Variants in FRMPD4 observed in about 807,000 individuals in gnomAD.
FRMPD4 encodes the protein FERM and PDZ domain containing 4, also known as FERM and PDZ domain-containing protein 4.
FRMPD4 carries 22 observed loss-of-function variants against 94.1 expected under a neutral mutation model. The observed-to-expected ratio is 0.23, with a 90% CI of 0.17 to 0.33. The LOEUF is 0.33. Among genes scored for constraint, FRMPD4 ranks in the 10% least tolerant of loss-of-function variants. The pLI is 1.00. For missense variants in FRMPD4, 1,111 were observed against 1,339.9 expected, an observed-to-expected ratio of 0.83 and a Z score of 2.67; for synonymous variants, 631 against 548.6, an observed-to-expected ratio of 1.15 and a Z score of -2.10.
intron 1 of FRMPD4, among the ~76,000 whole-genome samples, chrX:12,221,006 C>G (rs771261562): frequency 9.8e-5 from 11 of 111,772 alleles, no homozygotes; most frequent in Admixed American, 2.8e-4. Context: ...CATTAATTCC[C>G]GTAGGTTCTG....
chrX:12,485,454 A>G (rs924676739), intron 1 of FRMPD4, among the ~76,000 whole-genome samples: 1 of 111,741 alleles, frequency 8.9e-6, no homozygotes, highest in Non-Finnish European at 1.9e-5. Flanking sequence ...AGAGGTTTCA[A>G]TCTGATTTGC....
chrX:12,421,552 G>C (rs1272513131), intron 1 of FRMPD4, among the ~76,000 whole-genome samples: 1 of 110,501 alleles, frequency 9.0e-6, no homozygotes, highest in Non-Finnish European at 1.9e-5. Context: ...GAGTCCAGGA[G>C]TTTGAGACCA....
chrX:12,494,327 C>T (rs1403172148), intron 1 of FRMPD4, among the ~76,000 whole-genome samples: 1 of 111,584 alleles, frequency 9.0e-6, no homozygotes, highest in Non-Finnish European at 1.9e-5. Context: ...GTTGTGACCA[C>T]CAAAAATCTC....
At chrX:11,906,197 G>T (rs2053967049) in intron 3 of FRMPD4, among the ~76,000 whole-genome samples, 1 of 107,152 alleles carries the variant, frequency 9.3e-6, no homozygotes, top group Non-Finnish European at 1.9e-5. Flanking sequence ...ACCCAGGCTG[G>T]AGTGCAGTGG....
chrX:12,542,437 A>C (rs1404802537), intron 2 of FRMPD4, among the ~76,000 whole-genome samples: 3 of 112,197 alleles, frequency 2.7e-5, no homozygotes, highest in African/African-American at 9.7e-5. Context: ...ATTCTTATAC[A>C]CCAATAACAA....
chrX:11,993,725 T>C (rs1418938463), intron 3 of FRMPD4, among the ~76,000 whole-genome samples: 2 of 112,390 alleles, frequency 1.8e-5, no homozygotes, highest in Non-Finnish European at 3.8e-5. Context: ...CTCTTTAAAG[T>C]TACTTTTCAA....
chrX:12,192,836 G>T, intron 1 of FRMPD4, among the ~76,000 whole-genome samples: 1 of 111,644 alleles, frequency 9.0e-6, no homozygotes, highest in East Asian at 2.8e-4. Flanking sequence ...TGATGCTGCT[G>T]ATCCAGGGAC....
chrX:12,083,507 C>A (rs1438781049), intron 3 of FRMPD4, among the ~76,000 whole-genome samples: 1 of 112,701 alleles, frequency 8.9e-6, no homozygotes, highest in East Asian at 2.8e-4. Flanking sequence ...GGGTCAGAGC[C>A]CCCAAACAGA....
chrX:12,495,431 C>G, intron 1 of FRMPD4, among the ~76,000 whole-genome samples: 1 of 111,752 alleles, frequency 8.9e-6, no homozygotes, highest in Non-Finnish European at 1.9e-5. Context: ...TGTTCAAGGT[C>G]GTGGAAAATA....
At chrX:11,963,009 A>C (rs1268695013) in intron 3 of FRMPD4, among the ~76,000 whole-genome samples, 1 of 111,951 alleles carries the variant, frequency 8.9e-6, no homozygotes, top group Non-Finnish European at 1.9e-5. Flanking sequence ...ACCACTACTA[A>C]TAATAAGAAT....
chrX:11,847,153 A>G (rs1247232758), intron 1 of FRMPD4, among the ~76,000 whole-genome samples: 1 of 111,769 alleles, frequency 8.9e-6, no homozygotes, highest in East Asian at 2.8e-4. Flanking sequence ...GCTAATATCC[A>G]GAATGTACAA....
At chrX:12,662,180 TA>T (rs1173725580) in intron 4 of FRMPD4, among the ~76,000 whole-genome samples, 186 of 111,180 alleles carry the variant, frequency 1.7e-3, no homozygotes, top group African/African-American at 5.8e-3. Context: ...AGAAAACAAT[TA>T]TTTTTTTTTT....
chrX:11,828,133 A>G (rs895088682), intron 1 of FRMPD4, among the ~76,000 whole-genome samples: 2 of 112,395 alleles, frequency 1.8e-5, no homozygotes, highest in Non-Finnish European at 3.8e-5. Context: ...TGTGATTATT[A>G]TAACCTAAAA....
intron 3 of FRMPD4, among the ~76,000 whole-genome samples, chrX:11,989,752 C>A (rs1601872724): frequency 9.0e-6 from 1 of 110,673 alleles, no homozygotes; most frequent in African/African-American, 3.3e-5. Flanking sequence ...CTCATGTACC[C>A]CATAATTATA....
rs764774069 is a variant in FRMPD4 at position 12,715,684 on chromosome X, G to A, written c.1610-385G>A. On this transcript the variant is annotated intron_variant, in intron 14 of 16. Coordinates refer to ENST00000675598, the MANE Select transcript of FRMPD4 (RefSeq NM_001368397.1). ...AGAACAATTAATGTTCTGGAATAAC[G>A]GCCTATTGAAATCTCACCTTTAAGG... 1.5e-4 allele frequency among the ~76,000 whole-genome samples: 17 copies of A among 111,914 alleles called. No individual in the cohort carries two copies. In the South Asian group the frequency reaches 6.0e-3, roughly 40 times the overall value.
At chrX:12,280,866 C>G (rs189309996) in intron 1 of FRMPD4, among the ~76,000 whole-genome samples, 120 of 111,700 alleles carry the variant, frequency 1.1e-3, no homozygotes, top group African/African-American at 3.6e-3. Flanking sequence ...TCCTCTCATT[C>G]TTGTTGGCCC....
At chrX:12,478,043 C>T (rs763712908) in intron 1 of FRMPD4, among the ~76,000 whole-genome samples, 25 of 112,379 alleles carry the variant, frequency 2.2e-4, no homozygotes, top group Non-Finnish European at 7.5e-5. Context: ...TGTCTCCAGG[C>T]TCTCAGCTTC....
Position 11,841,638 on chromosome X carries a change from C to T in FRMPD4, c.-161+18923C>T, listed in dbSNP as rs1398364434. On this transcript the variant is annotated intron_variant, in intron 1 of 18. Coordinates refer to the FRMPD4 transcript ENST00000640291. ...ATGTGTTTGAGTTCATTGTAGATTCCGGATATTAGCCCTTTGTCACATGAG... is the reference window on the plus strand; with the variant it reads ...ATGTGTTTGAGTTCATTGTAGATTCTGGATATTAGCCCTTTGTCACATGAG... Among the ~76,000 whole-genome samples the T allele has an allele frequency of 8.1e-5, 9 of 111,062 alleles. No homozygotes were observed. The East Asian group carries it at 8.5e-4, about 10-fold the overall frequency.
intron 3 of FRMPD4, among the ~76,000 whole-genome samples, chrX:11,894,800 G>T (rs749498295): frequency 1.8e-5 from 2 of 112,345 alleles, no homozygotes; most frequent in South Asian, 7.5e-4. Flanking sequence ...AGGTAATGTT[G>T]ATGCTGATGG....
Sources: gnomAD v4.1 joint callset for allele counts (sites outside exome capture counted in the v4.1 genomes callset) on GRCh38, gnomAD v4.1.1 for gene constraint, MANE v1.5 for transcripts, NCBI Gene and HGNC (gene_info 2026-07-23, HGNC 2026-07-21) for gene names.